TMC5: variants seen among roughly 807,000 people sequenced by gnomAD.
TMC5 encodes the protein transmembrane channel-like protein 5.
Under a neutral mutation model 110.5 loss-of-function variants are expected in TMC5, and 86 were observed. The observed-to-expected ratio is 0.78, with a 90% CI of 0.65 to 0.93. The LOEUF (loss-of-function observed/expected upper bound fraction) is 0.93, where lower values mean the gene tolerates loss of function less well. Ranked by LOEUF, TMC5 falls within the 40% of genes least tolerant of loss-of-function variation. TMC5 has a pLI of 0.00. For missense variants in TMC5, 1,144 were observed against 1,222.8 expected (o/e 0.94, Z 0.96); for synonymous variants, 455 against 439.5 (o/e 1.04, Z -0.44).
In TMC5 at chr16:19,444,103, A is replaced by G; in HGVS notation, c.811A>G (p.Ile271Val). Residue 271 changes from isoleucine (I) to valine (V), a missense_variant, in exon 4 of 22, where the codon ATC becomes GTC. Physicochemically the swap from Ile to Val is conservative, Grantham distance 29. Transcript: ENST00000542583. ...TRGVLSRTSS[I>V]QPSFRHRSDD... The stretch of plus-strand genomic sequence containing the variant: ...TAGGGTGCTCAGCAGAACATCTTCA[A>G]TCCAGCCCTCATTTCGTCACAGGAG... 10 of 1,614,154 alleles carry G rather than the reference A, an allele frequency of 6.2e-6. No homozygotes were observed. The highest frequency in any genetic ancestry group is 8.5e-6 in the Non-Finnish European group (10 of 1,180,004).
intron 8 of TMC5, among the ~76,000 whole-genome samples, chr16:19,465,054 TC>T (rs1968140649): frequency 2.0e-5 from 2 of 100,460 alleles, no homozygotes; most frequent in African/African-American, 1.1e-4. Context: ...TTTCTTTCTT[TC>T]TTTTCCTTCC....
intron 5 of TMC5, among the ~76,000 whole-genome samples, chr16:19,452,302 G>A (rs527273289): frequency 1.4e-4 from 21 of 152,274 alleles, no homozygotes; most frequent in African/African-American, 5.1e-4. Context: ...GCCCTCCCTG[G>A]GTGAGCCACC....
chr16:19,487,197 G>C lies in TMC5; in HGVS notation c.2444G>C (p.Ser815Thr), dbSNP rs1597215333. The C allele has an allele frequency of 1.2e-6, 2 of 1,612,230 alleles. No homozygotes were observed. Among genetic ancestry groups the C allele is most frequent in the Middle Eastern group, 1.7e-4 (1 of 6,054 alleles). The change falls in exon 17 of 22, where the codon AGC becomes ACC. Residue 815 changes from serine (S) to threonine (T), a missense_variant. Ser to Thr is a moderately conservative substitution (Grantham distance 58). Coordinates refer to ENST00000542583, the MANE Select transcript of TMC5 (RefSeq NM_001261841.2). The stretch of plus-strand genomic sequence containing the variant: ...TGGCTGCCTCTCTCTCTTCAGATCA[G>C]CCTGATGATGAATTTCCAGCCTCCG... ...LFIMFYSKNI[S>T]LMMNFQPPSK...
At chr16:19,454,827 G>T (rs1967828065) in intron 5 of TMC5, among the ~76,000 whole-genome samples, 1 of 152,190 alleles carries the variant, frequency 6.6e-6, no homozygotes, top group African/African-American at 2.4e-5. Flanking sequence ...CAATAAAGGG[G>T]TTTATTTTTC....
intron 1 of TMC5, among the ~76,000 whole-genome samples, chr16:19,422,791 CA>C (rs1403281069): frequency 1.1e-4 from 17 of 152,050 alleles, no homozygotes; most frequent in African/African-American, 4.1e-4. Context: ...AATAAAACTA[CA>C]AAAAAATTAG....
intron 6 of TMC5, among the ~76,000 whole-genome samples, chr16:19,461,446 C>CAT (rs1968019609): frequency 6.6e-6 from 1 of 151,904 alleles, no homozygotes; most frequent in South Asian, 2.1e-4. Context: ...TGGTGGCATG[C>CAT]GCCTGTAATC....
intron 2 of TMC5, among the ~76,000 whole-genome samples, chr16:19,433,376 C>T (rs1397100805): frequency 2.0e-5 from 3 of 152,128 alleles, no homozygotes; most frequent in Non-Finnish European, 4.4e-5. Context: ...GACACAGTCA[C>T]TTATGCTCAC....
chr16:19,481,884 C>A (rs571135916), intron 15 of TMC5, among the ~76,000 whole-genome samples: 1 of 152,060 alleles, frequency 6.6e-6, no homozygotes, highest in East Asian at 1.9e-4. Flanking sequence ...AGGATTAGTG[C>A]CCTTATAAAC....
intron 5 of TMC5, among the ~76,000 whole-genome samples, chr16:19,454,039 A>G (rs1450881119): frequency 1.3e-5 from 2 of 151,860 alleles, no homozygotes; most frequent in African/African-American, 4.8e-5. Context: ...TGAATGATAC[A>G]CCAGCATCTT....
rs879229148 is a variant in TMC5, at chr16:19,494,208, C to T, written c.2827-54C>T. 6 of 1,407,424 alleles carry T rather than the reference C, an allele frequency of 4.3e-6. No homozygotes were observed. The South Asian group carries it at 4.8e-5, about 11-fold the overall frequency. The allele number at this position is 1,407,424 out of a possible 1,614,324, so 87.2% of individuals were successfully genotyped here. On this transcript the variant is annotated intron_variant, in intron 19 of 21. Transcript: ENST00000542583. ...CATCAATTGCTTTCTCAATTCCATA[C>T]CATCATTCATTCATATTTTTGTTTC...
At chr16:19,445,617 T>C (rs1352482516) in intron 4 of TMC5, among the ~76,000 whole-genome samples, 1 of 151,070 alleles carries the variant, frequency 6.6e-6, no homozygotes, top group African/African-American at 2.4e-5. Context: ...AAAAAAAAAA[T>C]CCAGGCCATG....
intron 1 of TMC5, among the ~76,000 whole-genome samples, chr16:19,419,354 T>G (rs1401412137): frequency 6.6e-6 from 1 of 151,460 alleles, no homozygotes; most frequent in African/African-American, 2.4e-5. Context: ...ACTAGATTCT[T>G]TCTACACTAG....
At chr16:19,464,425 A>G (rs1968105607) in intron 8 of TMC5, among the ~76,000 whole-genome samples, 1 of 152,172 alleles carries the variant, frequency 6.6e-6, no homozygotes, top group Non-Finnish European at 1.5e-5. Flanking sequence ...CCTTGTCTCA[A>G]TCATCAATCA....
chr16:19,463,917 A>C lies in TMC5; in HGVS notation c.1378A>C (p.Asn460His), dbSNP rs796299627. Residue 460 changes from asparagine to histidine, a missense_variant, in exon 8 of 22, where the codon AAC (asparagine) becomes CAC (histidine). Physicochemically the swap from Asn to His is moderately conservative, Grantham distance 68 (BLOSUM62 1). Transcript: ENST00000542583. ...FNFLRWLLKF[N>H]IFSFILNFSF... is the part of the protein sequence containing the mutation. ...CTTTCTGAGATGGCTTTTGAAGTTC[A>C]ACATTTTCTCATTCATCCTGAACTT... 4.3e-6 allele frequency: 7 copies of C among 1,614,202 alleles called. No homozygotes were observed. In the African/African-American group the frequency reaches 8.0e-5, roughly 18 times the overall value.
chr16:19,496,327 C>T lies in TMC5; in HGVS notation c.2932-794C>T, dbSNP rs145906088. Among the ~76,000 whole-genome samples the T allele has an allele frequency of 6.0e-4, 92 of 152,264 alleles. No individual in the cohort carries two copies. In the East Asian group the frequency reaches 0.016, roughly 27 times the overall value. On this transcript the variant is annotated intron_variant, in intron 20 of 21. Coordinates refer to ENST00000542583, the MANE Select transcript of TMC5 (RefSeq NM_001261841.2). ...ATGAAACCCTGCTCTAATTCCAAAG[C>T]CTTGCTTGCTTCCTGAGTGTCCTGA...
intron 4 of TMC5, 42 bp downstream of exon 4, chr16:19,444,292 T>C (rs769486841): frequency 6.3e-7 from 1 of 1,589,628 alleles, no homozygotes; most frequent in South Asian, 1.1e-5. Context: ...GGGAAAAAAC[T>C]GAAATCACTG....
At chr16:19,421,953 G>A (rs889755008) in intron 1 of TMC5, among the ~76,000 whole-genome samples, 20 of 151,984 alleles carry the variant, frequency 1.3e-4, no homozygotes, top group African/African-American at 2.7e-4. Context: ...AGAGAGGGCC[G>A]GGCGCGGTGG....
chr16:19,440,701 G>T lies in TMC5; in HGVS notation c.663G>T (p.Gly221=). The T allele has an allele frequency of 6.2e-7, 1 of 1,614,072 alleles. No homozygotes were observed. The highest frequency in any genetic ancestry group is 8.5e-7 in the Non-Finnish European group (1 of 1,180,000). The change falls in exon 3 of 22, where the codon GGG becomes GGT. Residue 221 remains glycine, a synonymous_variant. Coordinates refer to ENST00000542583, the MANE Select transcript of TMC5 (RefSeq NM_001261841.2). ...AACCTAACTCTCCACCCTTTTTTGG[G>T]GAGCCAGACTATCCCAGTGCTGAGG... ...DIQPNSPPFF[G]EPDYPSAEDN...
intron 1 of TMC5, among the ~76,000 whole-genome samples, chr16:19,412,257 G>A (rs1366342575): frequency 6.6e-6 from 1 of 151,808 alleles, no homozygotes; most frequent in Non-Finnish European, 1.5e-5. Flanking sequence ...TTTTTGTAGA[G>A]ATGGGGGTCT....
Sources: allele counts gnomAD v4.1 joint callset (sites outside exome capture counted in the v4.1 genomes callset), GRCh38; gene constraint gnomAD v4.1.1; transcripts MANE v1.5; gene names NCBI Gene and HGNC (gene_info 2026-07-23, HGNC 2026-07-21).